Variants in ZNF385D observed in about 807,000 individuals in gnomAD.
ZNF385D encodes the protein zinc finger protein 659.
In ZNF385D, 15 loss-of-function variants were observed where a neutral mutation model predicts 35.8. The ratio of observed to expected loss-of-function variants is 0.42; its 90% CI spans 0.28 to 0.64. The LOEUF (loss-of-function observed/expected upper bound fraction) is 0.64, where lower values mean the gene tolerates loss of function less well. Ranked by LOEUF, ZNF385D falls within the 30% of genes least tolerant of loss-of-function variation. The pLI is 0.23. For missense variants in ZNF385D, 474 were observed against 494.6 expected (o/e 0.96, Z 0.39); for synonymous variants, 212 against 186.8 (o/e 1.13, Z -1.10).
Position 22,200,742 on chromosome 3 carries a change from G to A in ZNF385D, c.107-31707C>T, listed in dbSNP as rs147864325. Among the ~76,000 whole-genome samples the A allele has an allele frequency of 1.5e-3, 233 of 152,078 alleles. 1 individual carries two copies. The highest frequency in any genetic ancestry group is 5.2e-3 in the African/African-American group (216 of 41,510). ...GCCATAAAAGATGGCCATGCCCGGG[G>A]GGACCGTCTATAGACCTACCCCCAG... On this transcript the variant is annotated intron_variant, in intron 2 of 5. Coordinates refer to the ZNF385D transcript ENST00000494108.
intron 2 of ZNF385D, among the ~76,000 whole-genome samples, chr3:22,213,576 C>T (rs1309363071): frequency 6.6e-6 from 1 of 152,058 alleles, no homozygotes; most frequent in Non-Finnish European, 1.5e-5. Context: ...ATGAATCAGT[C>T]TTAGATCCAG....
chr3:21,849,301 T>G (rs3912512), intron 3 of ZNF385D, among the ~76,000 whole-genome samples: 31,226 of 152,052 alleles, frequency 0.21, 3,386 homozygotes, highest in Admixed American at 0.26. Flanking sequence ...GAAAGAGAAT[T>G]CTAAATTGAT....
chr3:21,588,993 A>G (rs2063893421), intron 2 of ZNF385D, among the ~76,000 whole-genome samples: 1 of 152,200 alleles, frequency 6.6e-6, no homozygotes, highest in Non-Finnish European at 1.5e-5. Context: ...AGCAGTAAAT[A>G]AAACCAACAA....
chr3:22,361,361 G>A (rs926650549), intron 2 of ZNF385D, among the ~76,000 whole-genome samples: 4 of 152,034 alleles, frequency 2.6e-5, no homozygotes, highest in African/African-American at 9.7e-5. Context: ...ATGTCTTTTA[G>A]AGAACCAAAT....
intron 3 of ZNF385D, among the ~76,000 whole-genome samples, chr3:21,872,574 A>T (rs928053652): frequency 6.6e-6 from 1 of 152,134 alleles, no homozygotes; most frequent in Non-Finnish European, 1.5e-5. Flanking sequence ...GATAAGTTTT[A>T]TATCACTCTT....
chr3:22,240,384 T>G (rs1184144849), intron 2 of ZNF385D, among the ~76,000 whole-genome samples: 1 of 150,902 alleles, frequency 6.6e-6, no homozygotes, highest in African/African-American at 2.5e-5. Context: ...TATCTCCCTC[T>G]CACTATCTTC....
rs527606497 is a variant in ZNF385D, at chr3:22,083,097, G to T, written c.325+85720C>A. On this transcript the variant is annotated intron_variant, in intron 3 of 5. Coordinates refer to the ZNF385D transcript ENST00000494108. ...AGGTCACCATCATCAAAGACCAAAG[G>T]TAGATAAAACCACGAAGATGGGGAG... Among the ~76,000 whole-genome samples the T allele has an allele frequency of 2.1e-3, 324 of 152,216 alleles. 2 individuals carry two copies. Among genetic ancestry groups the T allele is most frequent in the Non-Finnish European group, 3.7e-3 (253 of 68,018 alleles).
intron 3 of ZNF385D, among the ~76,000 whole-genome samples, chr3:21,834,080 G>T (rs567805966): frequency 6.6e-6 from 1 of 151,926 alleles, no homozygotes; most frequent in East Asian, 1.9e-4. Context: ...AAAAAAAGTG[G>T]ACAATAAGAA....
intron 2 of ZNF385D, among the ~76,000 whole-genome samples, chr3:22,234,164 T>G (rs1241275441): frequency 6.6e-6 from 1 of 152,142 alleles, no homozygotes; most frequent in Non-Finnish European, 1.5e-5. Flanking sequence ...TATTTTACTT[T>G]CCATACTCAT....
Position 21,717,190 on chromosome 3 carries a change from G to C in ZNF385D, c.22+33705C>G, listed in dbSNP as rs186049734. On this transcript the variant is annotated intron_variant, in intron 1 of 7. Transcript: ENST00000281523. ...TACTGGGTTAATAAATGTATAAATG[G>C]TTACTTCTGAGTAGGCACTGACTGA... Among the ~76,000 whole-genome samples the C allele has an allele frequency of 1.4e-3, 211 of 152,224 alleles. 1 individual carries two copies. The highest frequency in any genetic ancestry group is 5.0e-3 in the African/African-American group (206 of 41,534).
chr3:22,027,280 C>G (rs1697620080), intron 3 of ZNF385D, among the ~76,000 whole-genome samples: 1 of 152,198 alleles, frequency 6.6e-6, no homozygotes. Context: ...GGCCCATTTA[C>G]TGAGTGACCT....
At chr3:21,814,006 G>C (rs548495708) in intron 3 of ZNF385D, among the ~76,000 whole-genome samples, 1 of 152,172 alleles carries the variant, frequency 6.6e-6, no homozygotes, top group East Asian at 1.9e-4. Flanking sequence ...CAGATCTCTC[G>C]GCAGAAACCA....
intron 3 of ZNF385D, among the ~76,000 whole-genome samples, chr3:21,538,471 T>G (rs1193441989): frequency 4.2e-4 from 64 of 152,172 alleles, no homozygotes; most frequent in Admixed American, 4.2e-3. Flanking sequence ...CCTAGGAGTT[T>G]GTTTAAAAAC....
At chr3:21,767,175 C>A (rs1317994949) in intron 3 of ZNF385D, among the ~76,000 whole-genome samples, 2 of 150,826 alleles carry the variant, frequency 1.3e-5, no homozygotes, top group African/African-American at 4.9e-5. Flanking sequence ...ATGGAAATCA[C>A]AGATCTTAGA....
intron 1 of ZNF385D, among the ~76,000 whole-genome samples, chr3:21,713,344 G>A (rs948045640): frequency 6.6e-6 from 1 of 152,136 alleles, no homozygotes; most frequent in African/African-American, 2.4e-5. Flanking sequence ...CTTCTTCAAT[G>A]ATGTTTCTTT....
chr3:22,292,518 C>T (rs1702351099), intron 2 of ZNF385D, among the ~76,000 whole-genome samples: 1 of 152,030 alleles, frequency 6.6e-6, no homozygotes, highest in South Asian at 2.1e-4. Context: ...ATTTCTAGAA[C>T]TATGTGAGAG....
chr3:21,888,676 G>T (rs1346483731), intron 3 of ZNF385D, among the ~76,000 whole-genome samples: 2 of 152,106 alleles, frequency 1.3e-5, no homozygotes, highest in Non-Finnish European at 2.9e-5. Context: ...AAGGGAGAAG[G>T]GCAAGTAGAG....
At chr3:21,702,904 A>T (rs1412662324) in intron 1 of ZNF385D, among the ~76,000 whole-genome samples, 1 of 152,142 alleles carries the variant, frequency 6.6e-6, no homozygotes. Flanking sequence ...TATCACTATA[A>T]GCAATTTTTT....
At chr3:21,788,532 C>T (rs1000731736) in intron 3 of ZNF385D, among the ~76,000 whole-genome samples, 6 of 152,192 alleles carry the variant, frequency 3.9e-5, no homozygotes, top group Admixed American at 3.9e-4. Context: ...ATTTTGTTCT[C>T]ATTTTCAGTG....
Sources: allele counts gnomAD v4.1 joint callset (sites outside exome capture counted in the v4.1 genomes callset), GRCh38; gene constraint gnomAD v4.1.1; transcripts MANE v1.5; gene names NCBI Gene and HGNC (gene_info 2026-07-23, HGNC 2026-07-21).